RSPO3: variants seen among roughly 807,000 people sequenced by gnomAD.
The protein encoded by RSPO3 is R-spondin-3.
In RSPO3, 17 loss-of-function variants were observed where a neutral mutation model predicts 36.5. The observed-to-expected ratio is 0.47, with a 90% CI of 0.32 to 0.70. RSPO3 has a LOEUF of 0.70. RSPO3 is among the 30% of genes least tolerant of loss of function. The probability of loss-of-function intolerance (pLI) is 0.04; values close to 1 mark genes in which losing one functional copy is unlikely to be tolerated. For synonymous variants in RSPO3, 108 were observed against 107.0 expected (o/e 1.01, Z -0.06); for missense variants, 294 against 322.5 (o/e 0.91, Z 0.68).
chr6:127,167,516 C>G (rs1223529434), intron 4 of RSPO3, among the ~76,000 whole-genome samples: 1 of 151,886 alleles, frequency 6.6e-6, no homozygotes, highest in African/African-American at 2.4e-5. Context: ...TTAATCCAGT[C>G]TATCATTGAT....
Position 127,198,330 on chromosome 6 carries a change from G to T in RSPO3, c.*2323G>T, listed in dbSNP as rs1285987880. Among the ~76,000 whole-genome samples the T allele has an allele frequency of 6.6e-6, 1 of 152,150 alleles. No individual in the cohort carries two copies. Among genetic ancestry groups the T allele is most frequent in the African/African-American group, 2.4e-5 (1 of 41,438 alleles). ...TGGATGAAATATAAATGAAGAAAAA[G>T]ATAACATCAATTTTAACTGTAATTC... On this transcript the variant is annotated 3_prime_UTR_variant, in exon 5 of 5. Transcript: ENST00000356698.
At chr6:127,176,995 C>T (rs965017950) in intron 4 of RSPO3, among the ~76,000 whole-genome samples, 2 of 151,758 alleles carry the variant, frequency 1.3e-5, no homozygotes, top group African/African-American at 2.4e-5. Flanking sequence ...TGAACTTGGT[C>T]GTTCCTTATT....
intron 3 of RSPO3, among the ~76,000 whole-genome samples, chr6:127,152,165 T>A (rs1774502924): frequency 6.6e-6 from 1 of 152,198 alleles, no homozygotes. Flanking sequence ...GACTATTTAT[T>A]TCTTAACACA....
At chr6:127,146,576 T>C (rs1774388488) in intron 1 of RSPO3, among the ~76,000 whole-genome samples, 2 of 152,144 alleles carry the variant, frequency 1.3e-5, no homozygotes, top group African/African-American at 4.8e-5. Context: ...AATTGATATA[T>C]TTAAAATTAT....
At chr6:127,180,509 A>C (rs1775162219) in intron 4 of RSPO3, among the ~76,000 whole-genome samples, 3 of 150,278 alleles carry the variant, frequency 2.0e-5, no homozygotes, top group Middle Eastern at 3.4e-3. Flanking sequence ...AAAAAAAAAA[A>C]AAAAAACCAC....
intron 4 of RSPO3, among the ~76,000 whole-genome samples, chr6:127,165,950 T>A (rs1017278958): frequency 6.6e-6 from 1 of 151,918 alleles, no homozygotes; most frequent in African/African-American, 2.4e-5. Flanking sequence ...AAATTAATAA[T>A]CTCACTCTCC....
At chr6:127,170,031 G>GC (rs1234203488) in intron 4 of RSPO3, among the ~76,000 whole-genome samples, 1 of 151,684 alleles carries the variant, frequency 6.6e-6, no homozygotes, top group Non-Finnish European at 1.5e-5. Context: ...GCAGATTTGA[G>GC]CATTAGACTA....
chr6:127,148,312 T>C (rs907647814), intron 1 of RSPO3, among the ~76,000 whole-genome samples: 9 of 151,490 alleles, frequency 5.9e-5, no homozygotes, highest in African/African-American at 1.7e-4. Flanking sequence ...ATATTATATA[T>C]ATGAAGAGAA....
At chr6:127,121,275 G>A (rs1230887125) in intron 1 of RSPO3, among the ~76,000 whole-genome samples, 1 of 152,216 alleles carries the variant, frequency 6.6e-6, no homozygotes, top group Non-Finnish European at 1.5e-5. Context: ...GGACCACGGC[G>A]CAGGAAGCTT....
intron 4 of RSPO3, among the ~76,000 whole-genome samples, chr6:127,189,978 AAAAC>A (rs1775375110): frequency 6.6e-6 from 1 of 152,202 alleles, no homozygotes; most frequent in Non-Finnish European, 1.5e-5. Flanking sequence ...CTATTTTATT[AAAAC>A]AAACAAAAGA....
At chr6:127,179,997 C>G (rs1371708153) in intron 4 of RSPO3, among the ~76,000 whole-genome samples, 1 of 151,764 alleles carries the variant, frequency 6.6e-6, no homozygotes, top group South Asian at 2.1e-4. Flanking sequence ...TAGCTAGATG[C>G]TAGAAGTGAA....
At chr6:127,130,147 AT>A (rs1250333827) in intron 1 of RSPO3, among the ~76,000 whole-genome samples, 1 of 152,164 alleles carries the variant, frequency 6.6e-6, no homozygotes, top group African/African-American at 2.4e-5. Context: ...AAATTAAAAG[AT>A]TGTTAAACCT....
intron 4 of RSPO3, among the ~76,000 whole-genome samples, chr6:127,157,375 C>T (rs966236179): frequency 1.3e-5 from 2 of 152,010 alleles, no homozygotes; most frequent in African/African-American, 2.4e-5. Context: ...ATTCTAATTA[C>T]ATTTTATTTC....
At chr6:127,128,991 A>G (rs887277296) in intron 1 of RSPO3, among the ~76,000 whole-genome samples, 1 of 152,092 alleles carries the variant, frequency 6.6e-6, no homozygotes, top group Non-Finnish European at 1.5e-5. Flanking sequence ...TTAATAATAA[A>G]CAACTGTTTT....
intron 4 of RSPO3, among the ~76,000 whole-genome samples, chr6:127,179,843 T>C (rs1775145259): frequency 6.6e-6 from 1 of 151,816 alleles, no homozygotes. Context: ...AAGCCTCAAG[T>C]GGCAGGTTGA....
chr6:127,154,882 C>G (rs1774562148), intron 3 of RSPO3, among the ~76,000 whole-genome samples: 1 of 152,144 alleles, frequency 6.6e-6, no homozygotes, highest in South Asian at 2.1e-4. Flanking sequence ...CATAGTATAA[C>G]AACTGTTCTT....
chr6:127,178,280 T>A (rs1775096086), intron 4 of RSPO3, among the ~76,000 whole-genome samples: 1 of 151,754 alleles, frequency 6.6e-6, no homozygotes, highest in Non-Finnish European at 1.5e-5. Context: ...GCTTCTTAAT[T>A]ACCAAACTCA....
chr6:127,188,825 A>AT (rs1381327871), intron 4 of RSPO3, among the ~76,000 whole-genome samples: 2 of 152,174 alleles, frequency 1.3e-5, no homozygotes, highest in Non-Finnish European at 2.9e-5. Context: ...CCAAATCTTG[A>AT]TTTTTATAAA....
At chr6:127,122,005 T>C (rs945885348) in intron 1 of RSPO3, among the ~76,000 whole-genome samples, 5 of 152,242 alleles carry the variant, frequency 3.3e-5, no homozygotes, top group Admixed American at 1.3e-4. Context: ...ACAAAAAATT[T>C]AATGGTCTCT....
Sources: allele counts gnomAD v4.1 joint callset (sites outside exome capture counted in the v4.1 genomes callset), GRCh38; gene constraint gnomAD v4.1.1; transcripts MANE v1.5; gene names NCBI Gene and HGNC (gene_info 2026-07-23, HGNC 2026-07-21).